ARHGEF12: variants seen among roughly 807,000 people sequenced by gnomAD.
The protein encoded by ARHGEF12 is Rho guanine nucleotide exchange factor 12.
Under a neutral mutation model 211.2 loss-of-function variants are expected in ARHGEF12, and 66 were observed. That is an observed-to-expected ratio of 0.31 (90% CI 0.26 to 0.38). ARHGEF12 has a LOEUF of 0.38. Among genes scored for constraint, ARHGEF12 ranks in the 10% least tolerant of loss-of-function variants. The probability of loss-of-function intolerance (pLI) is 1.00; values close to 1 mark genes in which losing one functional copy is unlikely to be tolerated. For synonymous variants in ARHGEF12, 592 were observed against 638.4 expected (o/e 0.93, Z 1.09); for missense variants, 1,429 against 1,869.5 (o/e 0.76, Z 4.34).
intron 1 of ARHGEF12, among the ~76,000 whole-genome samples, chr11:120,358,068 A>G (rs1046846037): frequency 1.3e-5 from 2 of 152,096 alleles, no homozygotes; most frequent in Non-Finnish European, 2.9e-5. Flanking sequence ...TCTGGATTGT[A>G]GGGAGCCACT....
intron 1 of ARHGEF12, chr11:120,365,669 T>A (rs1213583597): frequency 1.3e-5 from 2 of 152,224 alleles, no homozygotes; most frequent in Non-Finnish European, 2.9e-5. Context: ...AAAGATGATA[T>A]GTCTGTGAAG....
At chr11:120,430,429 A>G (rs995876671) in intron 10 of ARHGEF12, among the ~76,000 whole-genome samples, 15 of 152,162 alleles carry the variant, frequency 9.9e-5, no homozygotes, top group African/African-American at 3.1e-4. Context: ...CTTAATGACT[A>G]TATTTTTATT....
At chr11:120,363,024 C>T (rs1421521552) in intron 1 of ARHGEF12, among the ~76,000 whole-genome samples, 7 of 152,136 alleles carry the variant, frequency 4.6e-5, no homozygotes, top group Non-Finnish European at 8.8e-5. Flanking sequence ...GGCGTGAACT[C>T]GGGAGGCAGA....
intron 1 of ARHGEF12, 87 bp downstream of exon 1, chr11:120,337,362 A>G (rs1942382530): frequency 1.9e-6 from 3 of 1,600,112 alleles, no homozygotes; most frequent in Non-Finnish European, 2.6e-6. Flanking sequence ...GCCTTTGGCC[A>G]GCGAAGTTGA....
intron 22 of ARHGEF12, 56 bp downstream of exon 22, chr11:120,451,780 A>G: frequency 6.7e-7 from 1 of 1,488,388 alleles, no homozygotes; most frequent in Non-Finnish European, 9.2e-7. Context: ...AAACAAACAC[A>G]CTAACTGAAA....
intron 37 of ARHGEF12, among the ~76,000 whole-genome samples, chr11:120,479,657 T>TA (rs1411098496): frequency 4.6e-5 from 7 of 152,170 alleles, no homozygotes; most frequent in Non-Finnish European, 1.0e-4. Flanking sequence ...AGAGGCATGA[T>TA]ATTGGTTATT....
chr11:120,343,266 T>G (rs1043248846), intron 1 of ARHGEF12, among the ~76,000 whole-genome samples: 16 of 152,234 alleles, frequency 1.1e-4, no homozygotes, highest in African/African-American at 3.9e-4. Context: ...ATTATTGAGA[T>G]AGATGTCCTT....
At chr11:120,412,866 G>T (rs911548063) in intron 4 of ARHGEF12, among the ~76,000 whole-genome samples, 2 of 152,030 alleles carry the variant, frequency 1.3e-5, no homozygotes, top group East Asian at 3.9e-4. Flanking sequence ...GTCCCCTGTG[G>T]TCAGCTATTT....
At chr11:120,358,271 C>T (rs919389821) in intron 1 of ARHGEF12, among the ~76,000 whole-genome samples, 1 of 151,898 alleles carries the variant, frequency 6.6e-6, no homozygotes, top group Non-Finnish European at 1.5e-5. Context: ...TACTTAAAAG[C>T]GAAGAGACAA....
chr11:120,397,236 C>T (rs1204662621), intron 1 of ARHGEF12, among the ~76,000 whole-genome samples: 3 of 152,218 alleles, frequency 2.0e-5, no homozygotes, highest in Non-Finnish European at 4.4e-5. Context: ...TAATTTTACC[C>T]TGGCCCTTTG....
chr11:120,421,439 T>G (rs1157136005), intron 5 of ARHGEF12, among the ~76,000 whole-genome samples: 1 of 105,876 alleles, frequency 9.4e-6, no homozygotes, highest in Non-Finnish European at 2.1e-5. Context: ...GTTTTTTTTT[T>G]TTGTTTTTTT....
chr11:120,352,178 AGG>A (rs1178241328), intron 1 of ARHGEF12, among the ~76,000 whole-genome samples: 2 of 151,820 alleles, frequency 1.3e-5, no homozygotes, highest in African/African-American at 4.9e-5. Context: ...TTCTGACATG[AGG>A]GATTTTGTCT....
chr11:120,448,371 G>A (rs1334181161), intron 20 of ARHGEF12, 23 bp downstream of exon 20: 1 of 1,573,350 alleles, frequency 6.4e-7, no homozygotes, highest in African/African-American at 1.4e-5. Context: ...TAATGTAATA[G>A]CATGTTCAGG....
At chr11:120,375,417 A>G (rs1163659516) in intron 1 of ARHGEF12, among the ~76,000 whole-genome samples, 1 of 152,150 alleles carries the variant, frequency 6.6e-6, no homozygotes, top group Non-Finnish European at 1.5e-5. Context: ...GTTAAAAAAA[A>G]GAGCTTTACA....
At chr11:120,402,387 A>G (rs936216758) in intron 1 of ARHGEF12, among the ~76,000 whole-genome samples, 20 of 152,298 alleles carry the variant, frequency 1.3e-4, no homozygotes, top group African/African-American at 4.3e-4. Context: ...GTGGGTTCCA[A>G]TAAAATGGTG....
intron 1 of ARHGEF12, among the ~76,000 whole-genome samples, chr11:120,395,878 A>G (rs564936341): frequency 1.3e-5 from 2 of 152,200 alleles, no homozygotes; most frequent in East Asian, 3.9e-4. Context: ...TATCATGTGT[A>G]TGTATACCCC....
At chr11:120,349,559 T>C (rs10790378) in intron 1 of ARHGEF12, among the ~76,000 whole-genome samples, 66,862 of 151,960 alleles carry the variant, frequency 0.44, 15,393 homozygotes, top group African/African-American at 0.57. Flanking sequence ...TTTGGTGTGT[T>C]GCATTTGTTC....
intron 1 of ARHGEF12, among the ~76,000 whole-genome samples, chr11:120,354,881 G>A (rs1403833598): frequency 6.6e-6 from 1 of 152,084 alleles, no homozygotes; most frequent in Non-Finnish European, 1.5e-5. Flanking sequence ...ATAGCCCTTA[G>A]GGAGATCTAC....
At chr11:120,410,900 A>G (rs1372531920) in intron 4 of ARHGEF12, 1 of 152,164 alleles carries the variant, frequency 6.6e-6, no homozygotes, top group Non-Finnish European at 1.5e-5. Flanking sequence ...CCTTAGGAAC[A>G]TGAACATTAT....
Sources: gnomAD v4.1 joint callset for allele counts (sites outside exome capture counted in the v4.1 genomes callset) on GRCh38, gnomAD v4.1.1 for gene constraint, MANE v1.5 for transcripts, NCBI Gene and HGNC (gene_info 2026-07-23, HGNC 2026-07-21) for gene names.